The following NUCKS1 variants were observed in gnomAD, a reference collection of about 807,000 sequenced individuals.
NUCKS1 encodes nuclear casein kinase and cyclin dependent kinase substrate 1.
Under a neutral mutation model 33.0 loss-of-function variants are expected in NUCKS1, and 2 were observed. The ratio of observed to expected loss-of-function variants is 0.06; its 90% CI spans 0.02 to 0.19. NUCKS1 has a LOEUF of 0.19. Among genes scored for constraint, NUCKS1 ranks in the 10% least tolerant of loss-of-function variants. The pLI, the probability that NUCKS1 is intolerant of heterozygous loss-of-function variation, is 1.00. For synonymous variants in NUCKS1, 106 were observed against 102.8 expected, an observed-to-expected ratio of 1.03 and a Z score of -0.19; for missense variants, 201 against 293.6, an observed-to-expected ratio of 0.68 and a Z score of 2.31.
At position 205,719,529 on chromosome 1, in the gene NUCKS1, G is replaced by A; in HGVS notation, c.530C>T (p.Thr177Ile). Residue 177 changes from threonine (T) to isoleucine (I), a missense_variant and splice_region_variant, in exon 6 of 7, where the codon ACA becomes ATA. Transcript: ENST00000367142. ...AATTTCACTTCTGCAGAAATTACCTGTAGCCTTTAGTCTGGGTTTGGGCAT... is the reference window on the plus strand; with the variant it reads ...AATTTCACTTCTGCAGAAATTACCTATAGCCTTTAGTCTGGGTTTGGGCAT... ...KKMPKPRLKA[T>I]VTPSPVKGKG... 1 of 1,593,376 alleles carries A rather than the reference G, an allele frequency of 6.3e-7. No individual in the cohort carries two copies. Among genetic ancestry groups the A allele is most frequent in the African/African-American group, 1.4e-5 (1 of 73,398 alleles).
chr1:205,722,158 C>G (rs1571571372), intron 4 of NUCKS1, among the ~76,000 whole-genome samples: 1 of 152,202 alleles, frequency 6.6e-6, no homozygotes, highest in Middle Eastern at 3.4e-3. Context: ...TCATTGCAGC[C>G]TGTGCCTCCT....
intron 1 of NUCKS1, 127 bp from the exon 2 acceptor site, chr1:205,729,748 G>A (rs1235417524): frequency 1.4e-5 from 11 of 770,240 alleles, no homozygotes; most frequent in Non-Finnish European, 2.5e-5. Flanking sequence ...ATTGCTGGAC[G>A]TGGTGGCTCA....
intron 1 of NUCKS1, among the ~76,000 whole-genome samples, chr1:205,743,158 T>G (rs534829942): frequency 4.0e-4 from 61 of 152,312 alleles, no homozygotes; most frequent in African/African-American, 1.4e-3. Context: ...GTATGGTGAC[T>G]GTTACATTTT....
Position 205,718,223 on chromosome 1 carries a change from TTTTC to T in NUCKS1, c.*53_*56del, listed in dbSNP as rs1671861106. The T allele has an allele frequency of 3.4e-6, 2 of 595,574 alleles. No individual in the cohort carries two copies. Among genetic ancestry groups the T allele is most frequent in the Non-Finnish European group, 5.3e-6 (2 of 374,874 alleles). 36.9% of individuals were successfully genotyped at this position (595,574 alleles called of 1,614,324 possible). ...TAGGTTCTTTTTTTTCCTCCCTCTT[TTTTC>T]TTTTTTTTTCTTTTTTTTTTTAATA... On this transcript the variant is annotated 3_prime_UTR_variant, in exon 7 of 7. Transcript: ENST00000367142.
At chr1:205,749,896 CTT>C (rs1046921876) in intron 1 of NUCKS1, 59 bp downstream of exon 1, 10 of 1,558,156 alleles carry the variant, frequency 6.4e-6, no homozygotes, top group African/African-American at 1.4e-5. Context: ...GTCCCCCACT[CTT>C]TTCACCACTC....
intron 2 of NUCKS1, among the ~76,000 whole-genome samples, chr1:205,729,142 T>G (rs1312728684): frequency 1.3e-5 from 2 of 152,210 alleles, no homozygotes; most frequent in Non-Finnish European, 2.9e-5. Flanking sequence ...CTAATTTTTG[T>G]ATTTTTAGCA....
At position 205,714,432 on chromosome 1, in the gene NUCKS1, G is replaced by C. The variant is rs1283928048; in HGVS notation, c.*3848C>G. On this transcript the variant is annotated 3_prime_UTR_variant, in exon 7 of 7. Coordinates refer to ENST00000367142, the MANE Select transcript of NUCKS1 (RefSeq NM_022731.5). The stretch of plus-strand genomic sequence containing the variant: ...CACTCCATTGGCATGGCAACAGGCA[G>C]GTTTACGGGATGTTTCCCAATAGTG... 2 of 152,074 alleles carry C rather than the reference G, an allele frequency of 1.3e-5. No individual in the cohort carries two copies. The highest frequency in any genetic ancestry group is 4.8e-5 in the African/African-American group (2 of 41,392). The allele number at this position is 152,074 out of a possible 1,614,324, so 9.4% of individuals were successfully genotyped here.
At chr1:205,722,430 T>A (rs939466344) in intron 4 of NUCKS1, among the ~76,000 whole-genome samples, 3 of 152,170 alleles carry the variant, frequency 2.0e-5, no homozygotes, top group Non-Finnish European at 2.9e-5. Flanking sequence ...CTAATTTTTT[T>A]ATTTTTAGTA....
At position 205,714,411 on chromosome 1, in the gene NUCKS1, C is replaced by T. The variant is rs1446992798; in HGVS notation, c.*3869G>A. The T allele has an allele frequency of 6.6e-6, 1 of 152,088 alleles. No homozygotes were observed. Among genetic ancestry groups the T allele is most frequent in the Non-Finnish European group, 1.5e-5 (1 of 68,030 alleles). 9.4% of individuals were successfully genotyped at this position (152,088 alleles called of 1,614,324 possible). A position where few individuals can be genotyped will look rare whatever the true frequency, so the allele number is the denominator to read the frequency against. Reference sequence around the variant, plus strand: ...AACAGATGTCACCAGTTCAGTCACTCCATTGGCATGGCAACAGGCAGGTTT... The same window carrying T: ...AACAGATGTCACCAGTTCAGTCACTTCATTGGCATGGCAACAGGCAGGTTT... On this transcript the variant is annotated 3_prime_UTR_variant, in exon 7 of 7. Transcript: ENST00000367142.
intron 1 of NUCKS1, among the ~76,000 whole-genome samples, chr1:205,730,207 G>C (rs1653875030): frequency 6.6e-6 from 1 of 151,750 alleles, no homozygotes; most frequent in African/African-American, 2.4e-5. Flanking sequence ...ACGCATGCTG[G>C]CTAATTTTTT....
chr1:205,744,630 GTTTTT>G (rs10672842), intron 1 of NUCKS1, among the ~76,000 whole-genome samples: 4 of 87,786 alleles, frequency 4.6e-5, no homozygotes, highest in Non-Finnish European at 6.1e-5. Context: ...GTTCACTAGA[GTTTTT>G]TTTTTTTTTT....
intron 5 of NUCKS1, 132 bp downstream of exon 5, chr1:205,720,369 T>A: frequency 2.4e-6 from 2 of 824,774 alleles, no homozygotes; most frequent in South Asian, 3.6e-5. Context: ...GTCATCTCTT[T>A]TAACACGGAG....
At chr1:205,742,859 A>C (rs1013674198) in intron 1 of NUCKS1, among the ~76,000 whole-genome samples, 1 of 152,140 alleles carries the variant, frequency 6.6e-6, no homozygotes, top group Non-Finnish European at 1.5e-5. Flanking sequence ...ACAAACAAAT[A>C]AATAAAAGGT....
At chr1:205,745,946 A>G (rs916575330) in intron 1 of NUCKS1, among the ~76,000 whole-genome samples, 1 of 152,168 alleles carries the variant, frequency 6.6e-6, no homozygotes, top group Non-Finnish European at 1.5e-5. Context: ...AAACACTGTA[A>G]TTTTCAGGTA....
intron 4 of NUCKS1, 133 bp downstream of exon 4, chr1:205,723,793 C>T (rs888078668): frequency 3.2e-6 from 2 of 621,184 alleles, no homozygotes; most frequent in Admixed American, 5.5e-5. Flanking sequence ...TCATTAGGAG[C>T]TCTTTGAAGA....
At position 205,718,199 on chromosome 1, in the gene NUCKS1, A is replaced by G; in HGVS notation, c.*81T>C. On this transcript the variant is annotated 3_prime_UTR_variant, in exon 7 of 7. Coordinates refer to ENST00000367142, the MANE Select transcript of NUCKS1 (RefSeq NM_022731.5). Reference sequence around the variant, plus strand: ...GCCAAAACCATGTTCTATCTTAAGTAGGTTCTTTTTTTTCCTCCCTCTTTT... The same window carrying G: ...GCCAAAACCATGTTCTATCTTAAGTGGGTTCTTTTTTTTCCTCCCTCTTTT... 1 of 1,494,384 alleles carries G rather than the reference A, an allele frequency of 6.7e-7. No individual in the cohort carries two copies. The highest frequency in any genetic ancestry group is 8.8e-7 in the Non-Finnish European group (1 of 1,132,706). 92.6% of individuals were successfully genotyped at this position (1,494,384 alleles called of 1,614,324 possible).
intron 1 of NUCKS1, among the ~76,000 whole-genome samples, chr1:205,746,382 G>A (rs559915151): frequency 3.3e-5 from 5 of 151,774 alleles, no homozygotes; most frequent in African/African-American, 7.2e-5. Context: ...TGTCTTTTTA[G>A]AGGAAACTGA....
intron 1 of NUCKS1, among the ~76,000 whole-genome samples, chr1:205,737,585 G>A (rs2102443359): frequency 6.6e-6 from 1 of 152,284 alleles, no homozygotes; most frequent in Non-Finnish European, 1.5e-5. Context: ...CATCTTACAA[G>A]GACCTATGTG....
intron 1 of NUCKS1, 41 bp downstream of exon 1, chr1:205,749,916 T>C: frequency 6.6e-7 from 1 of 1,524,280 alleles, no homozygotes; most frequent in Non-Finnish European, 9.0e-7. Context: ...CTCGCCCCCA[T>C]CCCCCTCCAA....
Sources: gnomAD v4.1 joint callset for allele counts (sites outside exome capture counted in the v4.1 genomes callset) on GRCh38, gnomAD v4.1.1 for gene constraint, MANE v1.5 for transcripts, NCBI Gene and HGNC (gene_info 2026-07-23, HGNC 2026-07-21) for gene names.